PIEZO2: variants seen among roughly 807,000 people sequenced by gnomAD.
The protein encoded by PIEZO2 is piezo-type mechanosensitive ion channel component 2.
A neutral mutation model predicts 337.3 loss-of-function variants in PIEZO2; 172 were observed. That is an observed-to-expected ratio of 0.51 (90% CI 0.45 to 0.58). The LOEUF is 0.58. Among genes scored for constraint, PIEZO2 ranks in the 20% least tolerant of loss-of-function variants. The pLI, the probability that PIEZO2 is intolerant of heterozygous loss-of-function variation, is 0.00. For synonymous variants in PIEZO2, 1,251 were observed against 1,228.5 expected, an observed-to-expected ratio of 1.02 and a Z score of -0.38; for missense variants, 3,028 against 3,391.3, an observed-to-expected ratio of 0.89 and a Z score of 2.66.
rs577682157 is a variant in PIEZO2, at chr18:10,962,182, C to T, written c.286+17353G>A. ...ACTGAATTAGAATTATTTCCAGATG[C>T]TCTGTTCAATGAAAGAGTCTTAAAA... On this transcript the variant is annotated intron_variant, in intron 3 of 55. Transcript: ENST00000674853. The surrounding 1 kb of genome is among the most constrained non-coding windows in gnomAD (Gnocchi z 4.1). 3.3e-4 allele frequency among the ~76,000 whole-genome samples: 51 copies of T among 152,308 alleles called. No individual in the cohort carries two copies. The highest frequency in any genetic ancestry group is 3.0e-3 in the Admixed American group (46 of 15,300).
intron 3 of PIEZO2, among the ~76,000 whole-genome samples, chr18:10,924,259 G>A (rs903359009): frequency 3.9e-5 from 6 of 152,146 alleles, no homozygotes; most frequent in African/African-American, 1.2e-4. Flanking sequence ...ATGTTTTGTG[G>A]TTTGTTTCAG....
chr18:10,731,425 G>C lies in PIEZO2; in HGVS notation c.5011C>G (p.Arg1671Gly), dbSNP rs939036771. ...RSAREERKRRRKGSKEGPVEW... is the reference protein window; with the variant it reads ...RSAREERKRRGKGSKEGPVEW... The stretch of plus-strand genomic sequence containing the variant: ...CACTCACCCTCCTTGGATCCTTTCC[G>C]CCTTCGTTTCCGTTCTTCTCTTGCA... Residue 1671 changes from arginine (R) to glycine (G), a missense_variant, in exon 36 of 56, where the codon CGG (arginine) becomes GGG (glycine). By Grantham distance (125) the Arg-to-Gly change is moderately radical. Around this residue, in one of 5 missense-constraint regions of PIEZO2, gnomAD observed 1,925 missense variants for 2,051.9 expected, o/e 0.94. Transcript: ENST00000674853. 1 of 1,533,976 alleles carries C rather than the reference G, an allele frequency of 6.5e-7. No homozygotes were observed. Among genetic ancestry groups the C allele is most frequent in the African/African-American group, 1.4e-5 (1 of 72,816 alleles).
chr18:11,071,863 G>C (rs1431265565), intron 1 of PIEZO2, among the ~76,000 whole-genome samples: 1 of 152,174 alleles, frequency 6.6e-6, no homozygotes, highest in African/African-American at 2.4e-5. Context: ...CCTCTGAGTG[G>C]CCATGGAAGT....
chr18:10,920,968 G>A (rs535174515), intron 3 of PIEZO2, among the ~76,000 whole-genome samples: 10 of 152,086 alleles, frequency 6.6e-5, no homozygotes, highest in Admixed American at 1.3e-4. Context: ...CAGGAGACTC[G>A]CTTGAACCTG....
chr18:10,680,181 T>C lies in PIEZO2; in HGVS notation c.7952+18A>G, dbSNP rs774201561. 1.3e-6 allele frequency: 2 copies of C among 1,591,190 alleles called. No homozygotes were observed. The highest frequency in any genetic ancestry group is 8.6e-7 in the Non-Finnish European group (1 of 1,164,708). Reference sequence around the variant, plus strand: ...ACTGGGGAAAGGGATAAATTATACATGGAAATACAGTAACTACCTCTGAAT... The same window carrying C: ...ACTGGGGAAAGGGATAAATTATACACGGAAATACAGTAACTACCTCTGAAT... On this transcript the variant is annotated intron_variant, in intron 52 of 55. Transcript: ENST00000674853.
intron 4 of PIEZO2, among the ~76,000 whole-genome samples, chr18:10,881,694 C>T (rs1253790126): frequency 6.6e-6 from 1 of 152,174 alleles, no homozygotes; most frequent in Non-Finnish European, 1.5e-5. Context: ...TACCAACACA[C>T]AACTGCTGCT....
chr18:11,048,063 G>A lies in PIEZO2; in HGVS notation c.160+18064C>T, dbSNP rs1018160847. Among the ~76,000 whole-genome samples, 6 of 152,172 alleles carry A rather than the reference G, an allele frequency of 3.9e-5. No homozygotes were observed. Among genetic ancestry groups the A allele is most frequent in the Non-Finnish European group, 5.9e-5 (4 of 68,032 alleles). ...ACCCACCCAGTGACACCTGCTGGGT[G>A]TAGACAGTCAAGAGCACAGCGGCAG... On this transcript the variant is annotated intron_variant, in intron 2 of 55. Coordinates refer to ENST00000674853, the MANE Select transcript of PIEZO2 (RefSeq NM_001378183.1). The surrounding 1 kb of genome is among the most constrained non-coding windows in gnomAD (Gnocchi z 4.5).
intron 9 of PIEZO2, 111 bp downstream of exon 9, chr18:10,803,764 C>T: frequency 7.4e-7 from 1 of 1,348,920 alleles, no homozygotes; most frequent in Non-Finnish European, 9.7e-7. Context: ...CTATAAACTA[C>T]AAGCAACCTG....
chr18:11,032,529 G>A lies in PIEZO2; in HGVS notation c.160+33598C>T, dbSNP rs535984978. Among the ~76,000 whole-genome samples, 92 of 152,154 alleles carry A rather than the reference G, an allele frequency of 6.0e-4. 2 individuals are homozygous for A. Among genetic ancestry groups the A allele is most frequent in the Non-Finnish European group, 1.5e-4 (10 of 68,024 alleles). ...TCTGGCTGGCTATGGATGACGGGTGGGAATTCTGACTACCCTGGTCATAAG... is the reference window on the plus strand; with the variant it reads ...TCTGGCTGGCTATGGATGACGGGTGAGAATTCTGACTACCCTGGTCATAAG... On this transcript the variant is annotated intron_variant, in intron 2 of 55. Transcript: ENST00000674853. The surrounding 1 kb of genome is among the most constrained non-coding windows in gnomAD (Gnocchi z 4.9).
chr18:10,719,006 TAAATA>T (rs2036136901), intron 36 of PIEZO2, among the ~76,000 whole-genome samples: 12 of 150,920 alleles, frequency 8.0e-5, no homozygotes, highest in African/African-American at 2.9e-4. Flanking sequence ...AATAAATAAA[TAAATA>T]AATAAATAAA....
At chr18:10,933,448 C>A (rs898226443) in intron 3 of PIEZO2, among the ~76,000 whole-genome samples, 23 of 151,852 alleles carry the variant, frequency 1.5e-4, no homozygotes, top group Non-Finnish European at 3.2e-4. Context: ...TTGTTATTTG[C>A]CTTTTAACAG....
Position 10,691,257 on chromosome 18 carries a change from GC to G in PIEZO2, c.7316del (p.Ser2439ThrfsTer19). On this transcript the variant is annotated frameshift_variant, in exon 48 of 56. Coordinates refer to ENST00000674853, the MANE Select transcript of PIEZO2 (RefSeq NM_001378183.1). LOFTEE classifies it high-confidence loss of function. ...ATAAGAAGAGGTTGACGTAATTGTA[GC>G]TCTTGGTGAGGAAGTTCCCCAGGAC... ...TRVLGNFLTK[S>X]YNYVNLFLFQ... 1 of 1,613,998 alleles carries G rather than the reference GC, an allele frequency of 6.2e-7. No individual in the cohort carries two copies. The highest frequency in any genetic ancestry group is 8.5e-7 in the Non-Finnish European group (1 of 1,179,984).
At chr18:10,743,004 TAAAC>T (rs2037286147) in intron 31 of PIEZO2, among the ~76,000 whole-genome samples, 2 of 152,158 alleles carry the variant, frequency 1.3e-5, no homozygotes, top group Non-Finnish European at 2.9e-5. Context: ...TTTGGATTCT[TAAAC>T]AAATGGAAAG....
intron 8 of PIEZO2, 149 bp from the exon 9 acceptor site, chr18:10,804,143 A>G (rs187590397): frequency 8.4e-6 from 8 of 953,310 alleles, no homozygotes. Context: ...AAGACACTTT[A>G]AAAAATGACA....
intron 39 of PIEZO2, among the ~76,000 whole-genome samples, chr18:10,712,753 A>G (rs2298744): frequency 0.056 from 8,457 of 152,306 alleles, 453 homozygotes; most frequent in East Asian, 0.21. Flanking sequence ...CTTGGGTAGA[A>G]AGACACTGAA....
chr18:11,028,984 C>A lies in PIEZO2; in HGVS notation c.160+37143G>T, dbSNP rs1303773467. Among the ~76,000 whole-genome samples the A allele has an allele frequency of 1.3e-5, 2 of 152,138 alleles. No homozygotes were observed. Among genetic ancestry groups the A allele is most frequent in the Non-Finnish European group, 2.9e-5 (2 of 68,032 alleles). On this transcript the variant is annotated intron_variant, in intron 2 of 55. Transcript: ENST00000674853. This position sits in a 1 kb window ranked among gnomAD's most constrained non-coding sequence, Gnocchi z 4.8. ...TAAACAACACCAGTTTTAAGCTGCA[C>A]CGTCAGTTATTTAAATAGAAATTGA...
At position 11,131,893 on chromosome 18, in the gene PIEZO2, C is replaced by T. The variant is rs147979168; in HGVS notation, c.64+16632G>A. On this transcript the variant is annotated intron_variant, in intron 1 of 55. Coordinates refer to ENST00000674853, the MANE Select transcript of PIEZO2 (RefSeq NM_001378183.1). This position sits in a 1 kb window ranked among gnomAD's most constrained non-coding sequence, Gnocchi z 5.3. ...ACCACTCAGCCTCTTTCCCCAGCCA[C>T]CCAATGGGCCCATGAACAAAGGGGC... Among the ~76,000 whole-genome samples, 61 of 152,290 alleles carry T rather than the reference C, an allele frequency of 4.0e-4. No homozygotes were observed. The highest frequency in any genetic ancestry group is 1.4e-3 in the African/African-American group (59 of 41,574).
rs1160305876 is a variant in PIEZO2, at chr18:10,952,884, TTTCATCCCTCCC to T, written c.286+26639_286+26650del. On this transcript the variant is annotated intron_variant, in intron 3 of 55. Coordinates refer to ENST00000674853, the MANE Select transcript of PIEZO2 (RefSeq NM_001378183.1). The surrounding 1 kb of genome is among the most constrained non-coding windows in gnomAD (Gnocchi z 4.1). ...TGCCTTCCCTTCCTTCCTTCCTTCC[TTTCATCCCTCCC>T]TCCATCCCTCCCTCCCTCCTTCCTT... Among the ~76,000 whole-genome samples the T allele has an allele frequency of 8.5e-4, 44 of 51,726 alleles. No individual in the cohort carries two copies. Among genetic ancestry groups the T allele is most frequent in the Non-Finnish European group, 2.1e-3 (35 of 16,404 alleles). 33.9% of individuals were successfully genotyped at this position (51,726 alleles called of 152,430 possible). A position where few individuals can be genotyped will look rare whatever the true frequency, so the allele number is the denominator to read the frequency against.
chr18:11,078,968 C>A lies in PIEZO2; in HGVS notation c.65-12746G>T, dbSNP rs1212256968. 6.6e-6 allele frequency among the ~76,000 whole-genome samples: 1 copy of A among 152,198 alleles called. No individual in the cohort carries two copies. The highest frequency in any genetic ancestry group is 2.4e-5 in the African/African-American group (1 of 41,448). ...CCCTTCTTTTCAGTCTACACCACAG[C>A]GTCATACCTTAGAAAGTTACGGTAG... On this transcript the variant is annotated intron_variant, in intron 1 of 55. Coordinates refer to ENST00000674853, the MANE Select transcript of PIEZO2 (RefSeq NM_001378183.1). This position sits in a 1 kb window ranked among gnomAD's most constrained non-coding sequence, Gnocchi z 5.3.
Sources: allele counts gnomAD v4.1 joint callset (sites outside exome capture counted in the v4.1 genomes callset), GRCh38; gene constraint gnomAD v4.1.1; regional missense constraint gnomAD v4.1.1; non-coding constraint Gnocchi (gnomAD v3.1); transcripts MANE v1.5; gene names NCBI Gene and HGNC (gene_info 2026-07-23, HGNC 2026-07-21).